Variants in JMJD1C observed in about 807,000 individuals in gnomAD.
JMJD1C encodes jumonji domain-containing protein 1C.
Under a neutral mutation model 245.3 loss-of-function variants are expected in JMJD1C, and 31 were observed. The ratio of observed to expected loss-of-function variants is 0.13; its 90% CI spans 0.09 to 0.17. The LOEUF is 0.17. JMJD1C is among the 10% of genes least tolerant of loss of function. The pLI is 1.00. For missense variants in JMJD1C, 2,691 were observed against 3,000.2 expected (o/e 0.90, Z 2.41); for synonymous variants, 1,057 against 1,017.4 (o/e 1.04, Z -0.74).
chr10:63,265,834 T>C (rs1342297167), intron 2 of JMJD1C, among the ~76,000 whole-genome samples: 1 of 152,148 alleles, frequency 6.6e-6, no homozygotes, highest in African/African-American at 2.4e-5. Flanking sequence ...GATTTTGGCA[T>C]AGACAGTACA....
chr10:63,441,047 T>C lies in JMJD1C; in HGVS notation c.168+24448A>G, dbSNP rs1589753958. The stretch of plus-strand genomic sequence containing the variant: ...GAAGAACTGTGCTTTAAAAGGACAG[T>C]AGGAATTAACCAGGCACAGAGTAGG... On this transcript the variant is annotated intron_variant, in intron 1 of 25. Transcript: ENST00000399262. Among the ~76,000 whole-genome samples the C allele has an allele frequency of 2.0e-5, 3 of 152,084 alleles. No homozygotes were observed. In the South Asian group the frequency reaches 6.2e-4, roughly 32 times the overall value.
At chr10:63,175,235 A>C (rs1185080900) in intron 24 of JMJD1C, among the ~76,000 whole-genome samples, 1 of 152,212 alleles carries the variant, frequency 6.6e-6, no homozygotes, top group Non-Finnish European at 1.5e-5. Context: ...AGTCAAAGAA[A>C]TGGTGTATAG....
chr10:63,289,346 G>C (rs977456393), intron 2 of JMJD1C, among the ~76,000 whole-genome samples: 1 of 152,094 alleles, frequency 6.6e-6, no homozygotes, highest in African/African-American at 2.4e-5. Context: ...TAGAGGACTG[G>C]TAAGTTACTT....
chr10:63,203,860 T>C (rs1846301460), intron 10 of JMJD1C: 15 of 982,208 alleles, frequency 1.5e-5, no homozygotes, highest in Non-Finnish European at 1.8e-5. Flanking sequence ...CCTAACTCAT[T>C]CTTTTTGATT....
chr10:63,303,342 G>A (rs1236720458), intron 2 of JMJD1C, among the ~76,000 whole-genome samples: 1 of 152,134 alleles, frequency 6.6e-6, no homozygotes, highest in Non-Finnish European at 1.5e-5. Context: ...GTCTCGCTCT[G>A]TCGCCCAGGC....
chr10:63,200,248 C>T (rs1845870423), intron 11 of JMJD1C, among the ~76,000 whole-genome samples: 1 of 151,968 alleles, frequency 6.6e-6, no homozygotes, highest in Non-Finnish European at 1.5e-5. Context: ...TCTCTCAGAA[C>T]AGAAAGGTCA....
chr10:63,444,118 A>G (rs189202579), intron 1 of JMJD1C, among the ~76,000 whole-genome samples: 4 of 152,246 alleles, frequency 2.6e-5, no homozygotes, highest in East Asian at 3.8e-4. Context: ...GAGTCAATTC[A>G]TAACAGTAAG....
intron 1 of JMJD1C, among the ~76,000 whole-genome samples, chr10:63,488,181 G>GTAC (rs1954057979): frequency 6.6e-6 from 1 of 152,160 alleles, no homozygotes; most frequent in African/African-American, 2.4e-5. Context: ...CACAGCCTCA[G>GTAC]TACTTTATAG....
intron 1 of JMJD1C, among the ~76,000 whole-genome samples, chr10:63,432,259 C>T (rs1407113138): frequency 6.6e-6 from 1 of 152,106 alleles, no homozygotes; most frequent in Non-Finnish European, 1.5e-5. Context: ...GCCTTTATTC[C>T]ACCTCTAATA....
chr10:63,308,718 A>T (rs1938662456), intron 2 of JMJD1C, among the ~76,000 whole-genome samples: 1 of 151,118 alleles, frequency 6.6e-6, no homozygotes, highest in African/African-American at 2.4e-5. Flanking sequence ...AAAGCCAAAA[A>T]ATAAAATTGA....
chr10:63,230,781 A>C (rs939901079), intron 3 of JMJD1C, among the ~76,000 whole-genome samples: 2 of 151,180 alleles, frequency 1.3e-5, no homozygotes, highest in Admixed American at 6.7e-5. Context: ...CCCCCCCCCA[A>C]AAAAAATAAA....
intron 1 of JMJD1C, among the ~76,000 whole-genome samples, chr10:63,407,976 T>A (rs1449780441): frequency 2.6e-5 from 4 of 152,014 alleles, no homozygotes; most frequent in African/African-American, 7.2e-5. Context: ...TGGTTCAATA[T>A]CCCAACACAA....
At chr10:63,203,992 G>GC in intron 10 of JMJD1C, 2 of 983,712 alleles carry the variant, frequency 2.0e-6, no homozygotes, top group South Asian at 4.7e-5. Context: ...CCAACTTAAA[G>GC]AACTTTTCTG....
At chr10:63,284,950 C>T (rs928183785) in intron 2 of JMJD1C, among the ~76,000 whole-genome samples, 15 of 151,972 alleles carry the variant, frequency 9.9e-5, no homozygotes, top group African/African-American at 2.4e-4. Context: ...GCCACACATA[C>T]ACACACAATT....
chr10:63,504,932 C>T (rs531982397), intron 1 of JMJD1C, among the ~76,000 whole-genome samples: 2 of 151,830 alleles, frequency 1.3e-5, no homozygotes, highest in East Asian at 3.9e-4. Flanking sequence ...GAGACAGGAT[C>T]AACTGAGCCC....
chr10:63,471,720 A>G (rs1953497234), intron 1 of JMJD1C, among the ~76,000 whole-genome samples: 2 of 152,198 alleles, frequency 1.3e-5, no homozygotes, highest in South Asian at 4.1e-4. Context: ...TCTGCTTTCC[A>G]AGTTTGGTCA....
intron 2 of JMJD1C, among the ~76,000 whole-genome samples, chr10:63,368,238 T>C (rs1946017386): frequency 6.6e-6 from 1 of 152,112 alleles, no homozygotes; most frequent in Admixed American, 6.5e-5. Flanking sequence ...AAACCTGAAA[T>C]ATATATACTG....
chr10:63,239,257 C>G (rs1446880566), intron 3 of JMJD1C, among the ~76,000 whole-genome samples: 1 of 152,106 alleles, frequency 6.6e-6, no homozygotes. Context: ...GAATTAAGGA[C>G]AGCAGAGTAG....
At chr10:63,474,746 A>G (rs530493573) in intron 1 of JMJD1C, among the ~76,000 whole-genome samples, 1 of 152,284 alleles carries the variant, frequency 6.6e-6, no homozygotes, top group Non-Finnish European at 1.5e-5. Flanking sequence ...CACCGTGCTC[A>G]GCCCAAAACA....
Sources: allele counts gnomAD v4.1 joint callset (sites outside exome capture counted in the v4.1 genomes callset), GRCh38; gene constraint gnomAD v4.1.1; transcripts MANE v1.5; gene names NCBI Gene and HGNC (gene_info 2026-07-23, HGNC 2026-07-21).